Variants in CYLC2 observed in about 807,000 individuals in gnomAD.
CYLC2 encodes cylicin 2, also known as cylicin-2.
CYLC2 carries 30 observed loss-of-function variants against 26.1 expected under a neutral mutation model. The observed-to-expected ratio is 1.15, with a 90% CI of 0.86 to 1.56. CYLC2 has a LOEUF of 1.56. Ranked by LOEUF, CYLC2 falls within the 40% of genes most tolerant of loss-of-function variation. The pLI is 0.00. For synonymous variants in CYLC2, 158 were observed against 132.8 expected (o/e 1.19, Z -1.31); for missense variants, 498 against 394.4 (o/e 1.26, Z -2.23).
intron 5 of CYLC2, 24 bp downstream of exon 5, chr9:103,006,402 C>CTTACTTATTTATTTATTTATTTAT (rs1829350890): frequency 8.5e-6 from 1 of 117,862 alleles, no homozygotes; most frequent in East Asian, 2.9e-4. Flanking sequence ...GTTTTGTTTA[C>CTTACTTATTTATTTATTTATTTAT]TTATTTATTT....
intron 6 of CYLC2, among the ~76,000 whole-genome samples, chr9:103,014,771 G>GCA (rs1829475806): frequency 3.3e-5 from 1 of 30,104 alleles, no homozygotes; most frequent in Non-Finnish European, 5.9e-5. Flanking sequence ...ATATACGTAT[G>GCA]TATATTATGC....
intron 6 of CYLC2, among the ~76,000 whole-genome samples, chr9:103,013,028 C>T (rs1327860940): frequency 6.8e-6 from 1 of 146,864 alleles, no homozygotes; most frequent in Admixed American, 7.0e-5. Context: ...TTATTGATAG[C>T]AAGATTAAGA....
Position 103,002,201 on chromosome 9 carries a change from G to A in CYLC2, c.58+583G>A, listed in dbSNP as rs568094162. Among the ~76,000 whole-genome samples, 13 of 151,778 alleles carry A rather than the reference G, an allele frequency of 8.6e-5. No individual in the cohort carries two copies. In the East Asian group the frequency reaches 2.5e-3, roughly 29 times the overall value. On this transcript the variant is annotated intron_variant, in intron 2 of 7. Coordinates refer to ENST00000374798, the MANE Select transcript of CYLC2 (RefSeq NM_001340.5). ...AAATACAAAGATGAAATCTCTCATTGGCCTCATTGGCAACTTAAATAACTT... is the reference window on the plus strand; with the variant it reads ...AAATACAAAGATGAAATCTCTCATTAGCCTCATTGGCAACTTAAATAACTT...
chr9:102,996,001 G>T (rs748971881), intron 1 of CYLC2, among the ~76,000 whole-genome samples: 1 of 151,764 alleles, frequency 6.6e-6, no homozygotes, highest in South Asian at 2.1e-4. Context: ...AAATAAGGTA[G>T]GTAAAGAGCA....
intron 6 of CYLC2, among the ~76,000 whole-genome samples, chr9:103,014,363 T>C (rs1332603317): frequency 7.3e-6 from 1 of 137,534 alleles, no homozygotes; most frequent in African/African-American, 2.6e-5. Context: ...TAATATTACA[T>C]AATATACATT....
chr9:102,997,205 CT>C (rs1335042307), intron 1 of CYLC2, among the ~76,000 whole-genome samples: 1 of 151,722 alleles, frequency 6.6e-6, no homozygotes, highest in African/African-American at 2.4e-5. Flanking sequence ...TTAGTAGGTG[CT>C]GGGGGTAGGG....
At chr9:102,995,654 A>G (rs1022229512) in intron 1 of CYLC2, among the ~76,000 whole-genome samples, 1 of 151,716 alleles carries the variant, frequency 6.6e-6, no homozygotes, top group Non-Finnish European at 1.5e-5. Context: ...TGCTAGTCTT[A>G]CTTGATTTTT....
At chr9:103,015,463 T>G (rs990907368) in intron 6 of CYLC2, among the ~76,000 whole-genome samples, 3 of 137,916 alleles carry the variant, frequency 2.2e-5, no homozygotes, top group South Asian at 2.1e-4. Flanking sequence ...ATTATATAAT[T>G]ATAATATATA....
chr9:103,014,861 A>G (rs1345803718), intron 6 of CYLC2, among the ~76,000 whole-genome samples: 1 of 129,360 alleles, frequency 7.7e-6, no homozygotes, highest in African/African-American at 3.0e-5. Flanking sequence ...CAATATACAT[A>G]ATATATGTAA....
At chr9:103,011,399 T>C (rs891354838) in intron 5 of CYLC2, among the ~76,000 whole-genome samples, 2 of 152,124 alleles carry the variant, frequency 1.3e-5, no homozygotes, top group Admixed American at 6.6e-5. Context: ...CATTGTCACA[T>C]AGCTTTGATG....
intron 6 of CYLC2, among the ~76,000 whole-genome samples, chr9:103,015,191 T>C (rs1253092247): frequency 3.9e-4 from 21 of 53,786 alleles, no homozygotes; most frequent in South Asian, 8.0e-4. Context: ...ATACATAACA[T>C]GTATATCACG....
intron 1 of CYLC2, among the ~76,000 whole-genome samples, chr9:103,000,651 C>T (rs1216761573): frequency 1.3e-5 from 2 of 151,990 alleles, no homozygotes; most frequent in Non-Finnish European, 2.9e-5. Context: ...ACGTTTTATG[C>T]TGCTAGCTTC....
intron 5 of CYLC2, among the ~76,000 whole-genome samples, chr9:103,010,498 G>C (rs1183434763): frequency 1.3e-5 from 2 of 152,044 alleles, no homozygotes; most frequent in African/African-American, 2.4e-5. Flanking sequence ...TTTGCACAGA[G>C]AGTGCAAAAC....
intron 2 of CYLC2, 38 bp downstream of exon 2, chr9:103,001,656 G>A (rs1217619969): frequency 2.2e-6 from 3 of 1,346,148 alleles, no homozygotes; most frequent in East Asian, 4.6e-5. Context: ...AAACAGGTGT[G>A]CTTAATTTTA....
chr9:102,998,028 T>G (rs957308407), intron 1 of CYLC2, among the ~76,000 whole-genome samples: 11 of 151,956 alleles, frequency 7.2e-5, no homozygotes, highest in Non-Finnish European at 1.5e-4. Context: ...TTCTACATTG[T>G]TGACAATGGG....
chr9:102,998,804 C>CAGTT (rs1158757025), intron 1 of CYLC2, among the ~76,000 whole-genome samples: 1 of 151,870 alleles, frequency 6.6e-6, no homozygotes, highest in Non-Finnish European at 1.5e-5. Context: ...AATGACTGTT[C>CAGTT]AGTTACCCTA....
chr9:103,011,252 T>C (rs1006721868), intron 5 of CYLC2, among the ~76,000 whole-genome samples: 3 of 152,124 alleles, frequency 2.0e-5, no homozygotes, highest in Non-Finnish European at 4.4e-5. Flanking sequence ...TTCTTTTCTT[T>C]TGTGAATTTG....
intron 1 of CYLC2, among the ~76,000 whole-genome samples, chr9:103,000,428 C>A (rs1244548626): frequency 6.6e-6 from 1 of 151,868 alleles, no homozygotes; most frequent in Non-Finnish European, 1.5e-5. Flanking sequence ...TGGAATAATG[C>A]AGTTCATAAT....
intron 5 of CYLC2, chr9:103,010,879 A>G (rs900056879): frequency 2.6e-5 from 4 of 152,074 alleles, no homozygotes; most frequent in African/African-American, 7.2e-5. Flanking sequence ...ACAAATATGG[A>G]AATTAAAAAT....
Sources: gnomAD v4.1 joint callset for allele counts (sites outside exome capture counted in the v4.1 genomes callset) on GRCh38, gnomAD v4.1.1 for gene constraint, MANE v1.5 for transcripts, NCBI Gene and HGNC (gene_info 2026-07-23, HGNC 2026-07-21) for gene names.